The following EYA3 variants were observed in gnomAD, a reference collection of about 807,000 sequenced individuals.
The protein encoded by EYA3 is EYA transcriptional coactivator and phosphatase 3, also known as protein phosphatase EYA3.
EYA3 carries 39 observed loss-of-function variants against 80.0 expected under a neutral mutation model. That is an observed-to-expected ratio of 0.49 (90% CI 0.38 to 0.64). The LOEUF is 0.64. Ranked by LOEUF, EYA3 falls within the 30% of genes least tolerant of loss-of-function variation. EYA3 has a pLI of 0.00. For missense variants in EYA3, 523 were observed against 676.1 expected, an observed-to-expected ratio of 0.77 and a Z score of 2.51; for synonymous variants, 206 against 232.8, an observed-to-expected ratio of 0.88 and a Z score of 1.05.
chr1:28,082,067 A>G (rs1571982995), intron 1 of EYA3, among the ~76,000 whole-genome samples: 1 of 152,164 alleles, frequency 6.6e-6, no homozygotes, highest in Non-Finnish European at 1.5e-5. Context: ...TACTCTGTTC[A>G]GCTCCATAAC....
intron 10 of EYA3, among the ~76,000 whole-genome samples, chr1:28,008,603 A>G (rs1311296807): frequency 6.6e-6 from 1 of 152,164 alleles, no homozygotes; most frequent in South Asian, 2.1e-4. Flanking sequence ...GAATATTAAT[A>G]TAGAATATAC....
chr1:28,084,809 G>A (rs1054765184), intron 1 of EYA3, among the ~76,000 whole-genome samples: 13 of 150,538 alleles, frequency 8.6e-5, no homozygotes, highest in Non-Finnish European at 1.5e-4. Flanking sequence ...GGGTTTCACC[G>A]TGTTGCCCAG....
At chr1:28,006,562 C>T (rs1176116453) in intron 10 of EYA3, among the ~76,000 whole-genome samples, 1 of 151,692 alleles carries the variant, frequency 6.6e-6, no homozygotes, top group Non-Finnish European at 1.5e-5. Context: ...AAAAATTAAC[C>T]GGGTGTGGTG....
At chr1:28,048,473 T>C (rs1557614957) in intron 2 of EYA3, 47 bp from the exon 3 acceptor site, 1 of 1,470,402 alleles carries the variant, frequency 6.8e-7, no homozygotes, top group Admixed American at 1.8e-5. Flanking sequence ...GATCTGTTTT[T>C]TAAATCATTT....
At chr1:28,029,593 C>CTTTTTT (rs1226877063) in intron 6 of EYA3, among the ~76,000 whole-genome samples, 1 of 136,042 alleles carries the variant, frequency 7.4e-6, no homozygotes, top group African/African-American at 2.7e-5. Flanking sequence ...AAAGAAAATC[C>CTTTTTT]TTTTTTTTTT....
At position 28,011,008 on chromosome 1, in the gene EYA3, G is replaced by A; in HGVS notation, c.848C>T (p.Thr283Ile). 1 of 1,614,102 alleles carries A rather than the reference G, an allele frequency of 6.2e-7. No individual in the cohort carries two copies. Among genetic ancestry groups the A allele is most frequent in the Non-Finnish European group, 8.5e-7 (1 of 1,179,998 alleles). ...DTDDQSRKNM[T>I]SKNRGKRKAD... ...TTTCCTCTTGCCCCGGTTCTTGCTA[G>A]TCATGTTTTTCCTGGACTGATCATC... The change falls in exon 10 of 18, where the codon ACT becomes ATT. Residue 283 changes from threonine (T) to isoleucine (I), a missense_variant. Physicochemically the swap from Thr to Ile is moderately conservative, Grantham distance 89 (BLOSUM62 -1). Coordinates refer to ENST00000373871, the MANE Select transcript of EYA3 (RefSeq NM_001990.4).
At chr1:28,049,328 G>T (rs1644154462) in intron 2 of EYA3, among the ~76,000 whole-genome samples, 1 of 152,074 alleles carries the variant, frequency 6.6e-6, no homozygotes, top group Non-Finnish European at 1.5e-5. Flanking sequence ...CCTTGCTTAT[G>T]GCATGTCAAA....
chr1:27,997,405 C>T (rs1640535698), intron 12 of EYA3, 27 bp from the exon 13 acceptor site: 1 of 1,596,500 alleles, frequency 6.3e-7, no homozygotes, highest in African/African-American at 1.3e-5. Context: ...CATATTACTT[C>T]AGTCCAGGGA....
Position 27,989,810 on chromosome 1 carries a change from A to G in EYA3, c.1305T>C (p.Gly435=). The G allele has an allele frequency of 6.4e-7, 1 of 1,574,550 alleles. No homozygotes were observed. The highest frequency in any genetic ancestry group is 1.1e-5 in the South Asian group (1 of 87,456). Residue 435 remains glycine, a splice_region_variant and synonymous_variant, in exon 15 of 18, where the codon GGT becomes GGC. Coordinates refer to ENST00000373871, the MANE Select transcript of EYA3 (RefSeq NM_001990.4). ...IYDKHKSNVG[G]LLSPQRKEAL... ...CTTCCTTCCTCTGGGGACTGAGGAG[A>G]CCTTTAGGAATAAAAGCAGACACAT...
chr1:28,027,747 T>C (rs748788160), intron 7 of EYA3, 42 bp downstream of exon 7: 15 of 1,608,382 alleles, frequency 9.3e-6, no homozygotes, highest in Non-Finnish European at 1.1e-5. Flanking sequence ...CAAGAAACAA[T>C]AATAATAATT....
chr1:28,072,378 G>T (rs765225811), intron 1 of EYA3, among the ~76,000 whole-genome samples: 5 of 152,096 alleles, frequency 3.3e-5, no homozygotes, highest in Non-Finnish European at 7.4e-5. Flanking sequence ...ATTCAGAGGA[G>T]ATTCCAAAAG....
intron 1 of EYA3, among the ~76,000 whole-genome samples, chr1:28,070,556 C>T (rs753844010): frequency 1.2e-4 from 18 of 151,234 alleles, no homozygotes; most frequent in Admixed American, 2.6e-4. Flanking sequence ...AGTGAGACTC[C>T]GTCTCAAAAA....
intron 11 of EYA3, among the ~76,000 whole-genome samples, chr1:28,003,270 AAACAACAACAACAACAACAAC>A (rs139958121): frequency 1.4e-5 from 2 of 145,704 alleles, no homozygotes; most frequent in African/African-American, 5.1e-5. Context: ...ACTCCGTCTC[AAACAACAACAACAACAACAAC>A]AACAACAACA....
At chr1:28,024,210 G>C (rs920159763) in intron 7 of EYA3, among the ~76,000 whole-genome samples, 1 of 152,152 alleles carries the variant, frequency 6.6e-6, no homozygotes, top group South Asian at 2.1e-4. Flanking sequence ...CTGCACTCCA[G>C]CCTGGGTGAC....
intron 5 of EYA3, among the ~76,000 whole-genome samples, chr1:28,038,439 TAA>T (rs74525723): frequency 1.0e-4 from 7 of 68,480 alleles, no homozygotes; most frequent in African/African-American, 1.7e-4. Context: ...GATTCTATCT[TAA>T]AAAAAAAAAA....
intron 14 of EYA3, 129 bp downstream of exon 14, chr1:27,993,263 TTTTAAATA>T: frequency 2.2e-6 from 2 of 927,634 alleles, no homozygotes; most frequent in Non-Finnish European, 3.2e-6. Context: ...ACCTCTATTT[TTTTAAATA>T]CAGAGTTTAA....
chr1:28,087,389 C>T (rs1244005241), intron 1 of EYA3, among the ~76,000 whole-genome samples: 1 of 152,034 alleles, frequency 6.6e-6, no homozygotes, highest in African/African-American at 2.4e-5. Context: ...AAGTAATGTA[C>T]TTCTAAGTAA....
At chr1:28,049,780 A>G (rs1644169969) in intron 2 of EYA3, among the ~76,000 whole-genome samples, 1 of 152,198 alleles carries the variant, frequency 6.6e-6, no homozygotes, top group Non-Finnish European at 1.5e-5. Context: ...AAATTCAACT[A>G]TCTAGTTTAT....
intron 1 of EYA3, among the ~76,000 whole-genome samples, chr1:28,062,743 G>A (rs1160143112): frequency 1.3e-4 from 19 of 151,236 alleles, no homozygotes; most frequent in Non-Finnish European, 1.5e-5. Flanking sequence ...GCTCACACCT[G>A]TAATCCCAGC....
Sources: gnomAD v4.1 joint callset for allele counts (sites outside exome capture counted in the v4.1 genomes callset) on GRCh38, gnomAD v4.1.1 for gene constraint, MANE v1.5 for transcripts, NCBI Gene and HGNC (gene_info 2026-07-23, HGNC 2026-07-21) for gene names.